ERBB4: variants seen among roughly 807,000 people sequenced by gnomAD.
The protein encoded by ERBB4 is receptor tyrosine-protein kinase erbB-4.
Under a neutral mutation model 158.0 loss-of-function variants are expected in ERBB4, and 42 were observed. That is an observed-to-expected ratio of 0.27 (90% CI 0.21 to 0.34). The LOEUF (loss-of-function observed/expected upper bound fraction) is 0.34. ERBB4 is among the 10% of genes least tolerant of loss of function. The pLI is 1.00. For missense variants in ERBB4, 1,333 were observed against 1,624.1 expected, an observed-to-expected ratio of 0.82 and a Z score of 3.08; for synonymous variants, 583 against 558.7, an observed-to-expected ratio of 1.04 and a Z score of -0.61.
intron 3 of ERBB4, among the ~76,000 whole-genome samples, chr2:211,902,225 T>G (rs762089356): frequency 3.9e-5 from 6 of 152,110 alleles, no homozygotes; most frequent in Admixed American, 6.6e-5. Flanking sequence ...AAAAAACAAA[T>G]AAAACACCAA....
Position 212,474,822 on chromosome 2 carries a change from C to CTTTTTTTTTTTTTTTTTT in ERBB4, c.82+63609_82+63626dup, listed in dbSNP as rs539959668. Reference sequence around the variant, plus strand: ...CACCATTTCCTGACACCCGGCCATTCTTTTTTTTTTTTTTTTTTGTCAAGA... The same window carrying CTTTTTTTTTTTTTTTTTT: ...CACCATTTCCTGACACCCGGCCATTCTTTTTTTTTTTTTTTTTTTTTTTTTTTTTTTTTTTTGTCAAGA... On this transcript the variant is annotated intron_variant, in intron 1 of 27. Transcript: ENST00000342788. Among the ~76,000 whole-genome samples, 213 of 94,398 alleles carry CTTTTTTTTTTTTTTTTTT rather than the reference C, an allele frequency of 2.3e-3. 12 individuals are homozygous for CTTTTTTTTTTTTTTTTTT. The highest frequency in any genetic ancestry group is 3.1e-3 in the Non-Finnish European group (163 of 53,288). 61.9% of individuals were successfully genotyped at this position (94,398 alleles called of 152,430 possible).
chr2:211,756,101 G>A (rs2075281842), intron 4 of ERBB4, among the ~76,000 whole-genome samples: 2 of 152,152 alleles, frequency 1.3e-5, no homozygotes, highest in South Asian at 4.1e-4. Context: ...TATTCTTGGT[G>A]TGTGTGTGGG....
At chr2:212,086,970 C>T (rs1273373833) in intron 2 of ERBB4, among the ~76,000 whole-genome samples, 2 of 151,996 alleles carry the variant, frequency 1.3e-5, no homozygotes, top group Non-Finnish European at 2.9e-5. Flanking sequence ...CTGTTAGAGA[C>T]ATTACCTCCT....
chr2:212,491,815 A>G (rs1319753995), intron 1 of ERBB4, among the ~76,000 whole-genome samples: 1 of 151,548 alleles, frequency 6.6e-6, no homozygotes, highest in Non-Finnish European at 1.5e-5. Context: ...CAATATGAAC[A>G]TTCAAAACTA....
intron 1 of ERBB4, among the ~76,000 whole-genome samples, chr2:212,427,243 G>A (rs917328574): frequency 2.0e-5 from 3 of 152,078 alleles, no homozygotes; most frequent in African/African-American, 7.2e-5. Context: ...AGCAGTTAAT[G>A]GTCCATGTGT....
At chr2:212,220,665 T>G (rs574036911) in intron 1 of ERBB4, among the ~76,000 whole-genome samples, 1 of 151,490 alleles carries the variant, frequency 6.6e-6, no homozygotes, top group Admixed American at 6.6e-5. Flanking sequence ...TTGCACATAT[T>G]TTTCTCTGGC....
intron 2 of ERBB4, among the ~76,000 whole-genome samples, chr2:211,989,315 C>T (rs1553527600): frequency 1.3e-5 from 2 of 151,956 alleles, no homozygotes; most frequent in Non-Finnish European, 2.9e-5. Context: ...TTATTTTCTC[C>T]TTCTTGACTT....
chr2:212,458,880 A>T (rs574631213), intron 1 of ERBB4, among the ~76,000 whole-genome samples: 9 of 152,306 alleles, frequency 5.9e-5, no homozygotes, highest in African/African-American at 2.2e-4. Context: ...TCCTAAGGAG[A>T]AGAACATATC....
intron 3 of ERBB4, among the ~76,000 whole-genome samples, chr2:211,827,369 GT>G: frequency 6.6e-6 from 1 of 152,052 alleles, no homozygotes; most frequent in Non-Finnish European, 1.5e-5. Context: ...TGTTTGTTTT[GT>G]TTTGTTGTAT....
chr2:212,118,344 T>C (rs1043984155), intron 2 of ERBB4, among the ~76,000 whole-genome samples: 1 of 152,180 alleles, frequency 6.6e-6, no homozygotes, highest in African/African-American at 2.4e-5. Flanking sequence ...AACAAAACTG[T>C]GCTAATGAAG....
chr2:212,284,153 G>C (rs1456932180), intron 1 of ERBB4, among the ~76,000 whole-genome samples: 2 of 152,046 alleles, frequency 1.3e-5, no homozygotes, highest in African/African-American at 4.8e-5. Flanking sequence ...ATTATCAACA[G>C]GTTCAGATAA....
chr2:212,060,729 A>G (rs1055667042), intron 2 of ERBB4, among the ~76,000 whole-genome samples: 2 of 149,916 alleles, frequency 1.3e-5, no homozygotes, highest in African/African-American at 4.9e-5. Context: ...CAAACACCAC[A>G]TGGTCTCACT....
rs1264535012 is a variant in ERBB4 at position 212,134,683 on chromosome 2, T to C, written c.83-9780A>G. 4.4e-5 allele frequency among the ~76,000 whole-genome samples: 6 copies of C among 136,856 alleles called. No individual in the cohort carries two copies. In the South Asian group the frequency reaches 1.2e-3, roughly 28 times the overall value. The allele number at this position is 136,856 out of a possible 152,430, so 89.8% of individuals were successfully genotyped here. ...AAATTAACTAAACACTTTCTTTTTTTTTTTTTTTTTTTTTTTTTGAGATGG... is the reference window on the plus strand; with the variant it reads ...AAATTAACTAAACACTTTCTTTTTTCTTTTTTTTTTTTTTTTTTGAGATGG... On this transcript the variant is annotated intron_variant, in intron 1 of 27. Coordinates refer to ENST00000342788, the MANE Select transcript of ERBB4 (RefSeq NM_005235.3).
chr2:212,398,025 T>C (rs879113204), intron 1 of ERBB4, among the ~76,000 whole-genome samples: 5 of 151,908 alleles, frequency 3.3e-5, no homozygotes, highest in Non-Finnish European at 7.4e-5. Context: ...AGTGATAATA[T>C]CTGAAAAGAA....
chr2:211,554,793 T>C (rs2125708356), intron 20 of ERBB4, among the ~76,000 whole-genome samples: 1 of 152,316 alleles, frequency 6.6e-6, no homozygotes, highest in East Asian at 1.9e-4. Context: ...CAATCAGTCA[T>C]GATTTTGTTG....
At chr2:212,300,908 C>T (rs2086595475) in intron 1 of ERBB4, among the ~76,000 whole-genome samples, 1 of 151,448 alleles carries the variant, frequency 6.6e-6, no homozygotes, top group Non-Finnish European at 1.5e-5. Flanking sequence ...ATGTGCTTCA[C>T]TCAGGTCTCT....
chr2:212,399,545 CATATATATATAT>C (rs869111881), intron 1 of ERBB4, among the ~76,000 whole-genome samples: 22 of 38,098 alleles, frequency 5.8e-4, no homozygotes, highest in East Asian at 2.6e-3. Flanking sequence ...TTTATATATA[CATATATATATAT>C]ATATATATAT....
At position 211,496,753 on chromosome 2, in the gene ERBB4, T is replaced by C. The variant is rs571539318; in HGVS notation, c.2487+65150A>G. On this transcript the variant is annotated intron_variant, in intron 20 of 27. Coordinates refer to ENST00000342788, the MANE Select transcript of ERBB4 (RefSeq NM_005235.3). ...GATTATCTTTGGTGAGCCTCCAATA[T>C]GCCAGAAATATTTCTGCCTCAGGGC... Among the ~76,000 whole-genome samples, 37 of 152,244 alleles carry C rather than the reference T, an allele frequency of 2.4e-4. No homozygotes were observed. The East Asian group carries it at 6.6e-3, about 27-fold the overall frequency.
At chr2:212,021,107 A>G (rs2076639414) in intron 2 of ERBB4, among the ~76,000 whole-genome samples, 1 of 152,194 alleles carries the variant, frequency 6.6e-6, no homozygotes, top group Non-Finnish European at 1.5e-5. Context: ...TAAGATAATG[A>G]ATATTTTATT....
Sources: gnomAD v4.1 joint callset for allele counts (sites outside exome capture counted in the v4.1 genomes callset) on GRCh38, gnomAD v4.1.1 for gene constraint, MANE v1.5 for transcripts, NCBI Gene and HGNC (gene_info 2026-07-23, HGNC 2026-07-21) for gene names.